STON1: variants seen among roughly 807,000 people sequenced by gnomAD.
STON1 encodes stonin 1, also known as stonin-1.
STON1 carries 79 observed loss-of-function variants against 60.9 expected under a neutral mutation model. That is an observed-to-expected ratio of 1.30 (90% CI 1.08 to 1.56). STON1 has a LOEUF of 1.56. Ranked by LOEUF, STON1 falls within the 40% of genes most tolerant of loss-of-function variation. The pLI, the probability that STON1 is intolerant of heterozygous loss-of-function variation, is 0.00. For synonymous variants in STON1, 363 were observed against 306.9 expected (o/e 1.18, Z -1.91); for missense variants, 1,166 against 858.9 (o/e 1.36, Z -4.47).
At chr2:48,589,180 C>CTCCACTCTG (rs1674379527) in intron 2 of STON1, among the ~76,000 whole-genome samples, 1 of 152,152 alleles carries the variant, frequency 6.6e-6, no homozygotes, top group African/African-American at 2.4e-5. Flanking sequence ...CTCTCTCCTC[C>CTCCACTCTG]TCCACTCTGT....
At position 48,597,877 on chromosome 2, in the gene STON1, A is replaced by T. The variant is rs1235192949; in HGVS notation, c.*2575A>T. 6.6e-6 allele frequency: 1 copy of T among 152,238 alleles called. No individual in the cohort carries two copies. 9.4% of individuals were successfully genotyped at this position (152,238 alleles called of 1,614,324 possible). A position where few individuals can be genotyped will look rare whatever the true frequency, so the allele number is the denominator to read the frequency against. On this transcript the variant is annotated 3_prime_UTR_variant, in exon 4 of 4. Transcript: ENST00000404752. ...AGGTGAAAAATCAGGTAGGGTTCAA[A>T]TTAAGTAGAACTGCCCTTGCCGGAA... is the stretch of plus-strand genomic sequence containing the variant.
chr2:48,582,688 A>G (rs2103921016), intron 2 of STON1, 125 bp downstream of exon 2: 1 of 1,442,956 alleles, frequency 6.9e-7, no homozygotes, highest in Non-Finnish European at 9.2e-7. Flanking sequence ...GCTTTGGGGT[A>G]GGAGATGGAA....
intron 3 of STON1, among the ~76,000 whole-genome samples, chr2:48,593,375 A>G (rs1036819413): frequency 6.6e-6 from 1 of 152,068 alleles, no homozygotes; most frequent in South Asian, 2.1e-4. Context: ...TCGGCCTCCC[A>G]AAGTGCTGGG....
chr2:48,538,538 A>G (rs1389335391), intron 1 of STON1, among the ~76,000 whole-genome samples: 2 of 119,578 alleles, frequency 1.7e-5, no homozygotes, highest in African/African-American at 5.2e-5. Flanking sequence ...TATTGCCTCT[A>G]TCTTTTTTGT....
At position 48,581,075 on chromosome 2, in the gene STON1, A is replaced by G; in HGVS notation, c.442A>G (p.Lys148Glu). Reference protein sequence around the residue: ...SDHSCTHPTPKVGLPDEVNPQ... With the variant: ...SDHSCTHPTPEVGLPDEVNPQ... ...CCACTCATGTACACATCCAACTCCC[A>G]AAGTAGGTCTTCCAGATGAAGTTAA... is the stretch of plus-strand genomic sequence containing the variant. Residue 148 changes from lysine (K) to glutamate (E), a missense_variant, in exon 2 of 4, where the codon AAA (lysine) becomes GAA (glutamate). Lys to Glu is a moderately conservative substitution (Grantham distance 56). Transcript: ENST00000404752. The G allele has an allele frequency of 6.3e-7, 1 of 1,599,040 alleles. No individual in the cohort carries two copies. The highest frequency in any genetic ancestry group is 8.5e-7 in the Non-Finnish European group (1 of 1,174,338).
intron 1 of STON1, among the ~76,000 whole-genome samples, chr2:48,540,602 G>C (rs555941143): frequency 6.6e-6 from 1 of 152,166 alleles, no homozygotes; most frequent in African/African-American, 2.4e-5. Context: ...TGTATCTTTC[G>C]CAGTATTCTT....
intron 1 of STON1, among the ~76,000 whole-genome samples, chr2:48,533,027 G>C (rs1237138888): frequency 6.6e-6 from 1 of 152,140 alleles, no homozygotes; most frequent in Non-Finnish European, 1.5e-5. Flanking sequence ...GTGGAGGCCA[G>C]AGGATCACTT....
intron 1 of STON1, among the ~76,000 whole-genome samples, chr2:48,562,322 G>T (rs1672646109): frequency 6.6e-6 from 1 of 152,198 alleles, no homozygotes; most frequent in African/African-American, 2.4e-5. Context: ...TGAGAGACCA[G>T]TTCAGAGTTG....
At position 48,597,783 on chromosome 2, in the gene STON1, G is replaced by A. The variant is rs1249853033; in HGVS notation, c.*2481G>A. On this transcript the variant is annotated 3_prime_UTR_variant, in exon 4 of 4. Transcript: ENST00000404752. ...AATGTTAAATTAACATTCTGTGTAG[G>A]GAGGGGAGGCTTATTCAATTCTTCT... The A allele has an allele frequency of 2.0e-5, 3 of 152,466 alleles. No homozygotes were observed. The highest frequency in any genetic ancestry group is 4.4e-5 in the Non-Finnish European group (3 of 68,022). 9.4% of individuals were successfully genotyped at this position (152,466 alleles called of 1,614,324 possible).
chr2:48,548,130 G>A (rs1280727822), intron 1 of STON1, among the ~76,000 whole-genome samples: 1 of 152,236 alleles, frequency 6.6e-6, no homozygotes, highest in Admixed American at 6.5e-5. Flanking sequence ...GGGACCTCAT[G>A]TGCCAGGATG....
rs934825283 is a variant in STON1 at position 48,595,501 on chromosome 2, G to A, written c.*199G>A. 4 of 532,786 alleles carry A rather than the reference G, an allele frequency of 7.5e-6. No individual in the cohort carries two copies. In the South Asian group the frequency reaches 9.9e-5, roughly 13 times the overall value. The allele number at this position is 532,786 out of a possible 1,614,324, so 33.0% of individuals were successfully genotyped here. A position where few individuals can be genotyped will look rare whatever the true frequency, so the allele number is the denominator to read the frequency against. ...CTTTTCATGTGTTTTTGTCCTAGGG[G>A]TTCGATCTAAAATGTTTCTATAATT... On this transcript the variant is annotated 3_prime_UTR_variant, in exon 4 of 4. Transcript: ENST00000404752.
intron 1 of STON1, among the ~76,000 whole-genome samples, chr2:48,569,526 A>G (rs1162228374): frequency 2.6e-5 from 4 of 152,248 alleles, no homozygotes; most frequent in Non-Finnish European, 4.4e-5. Flanking sequence ...TCAGAAATGT[A>G]TTAAGCTTTT....
At chr2:48,571,907 G>A (rs1198752665) in intron 1 of STON1, among the ~76,000 whole-genome samples, 1 of 152,210 alleles carries the variant, frequency 6.6e-6, no homozygotes, top group African/African-American at 2.4e-5. Flanking sequence ...GCTCACGCCT[G>A]TAATCCCAGC....
chr2:48,539,319 T>A (rs1671563604), intron 1 of STON1, among the ~76,000 whole-genome samples: 1 of 152,218 alleles, frequency 6.6e-6, no homozygotes, highest in Non-Finnish European at 1.5e-5. Context: ...CTTGTTCTTA[T>A]CTATATTTTT....
chr2:48,580,970 C>G lies in STON1; in HGVS notation c.337C>G (p.Pro113Ala), dbSNP rs775266241. Residue 113 changes from proline (P) to alanine (A), a missense_variant, in exon 2 of 4, where the codon CCA (proline) becomes GCA (alanine). Transcript: ENST00000404752. ...TATTCCAGAATCATCTTCAGACAGC[C>G]CACTCGCAATATCAGGAGGAGAATC... ...YPIPESSSDS[P>A]LAISGGESSL... The G allele has an allele frequency of 3.8e-6, 6 of 1,580,488 alleles. No individual in the cohort carries two copies. The South Asian group carries it at 7.2e-5, about 19-fold the overall frequency.
chr2:48,549,494 G>A (rs1433168965), intron 1 of STON1, among the ~76,000 whole-genome samples: 1 of 152,116 alleles, frequency 6.6e-6, no homozygotes, highest in African/African-American at 2.4e-5. Context: ...GACAGACCTA[G>A]GGTTCTGGTT....
rs1178268048 is a variant in STON1, at chr2:48,581,670, C to T, written c.1037C>T (p.Thr346Ile). ...ENFSVAGKIH[T>I]VKIEHVSYTE... ...TTCAGTGTAGCAGGAAAAATCCACA[C>T]TGTGAAGATTGAACATGTGTCTTAC... Residue 346 changes from threonine to isoleucine, a missense_variant, in exon 2 of 4, where the codon ACT becomes ATT. Transcript: ENST00000404752. The T allele has an allele frequency of 6.2e-7, 1 of 1,613,474 alleles. No individual in the cohort carries two copies. The highest frequency in any genetic ancestry group is 8.5e-7 in the Non-Finnish European group (1 of 1,179,906).
At chr2:48,592,633 C>A (rs1331443601) in intron 3 of STON1, among the ~76,000 whole-genome samples, 5 of 95,356 alleles carry the variant, frequency 5.2e-5, no homozygotes, top group East Asian at 3.1e-4. Flanking sequence ...TATTATTATT[C>A]TATTTTTAGT....
intron 1 of STON1, among the ~76,000 whole-genome samples, chr2:48,548,680 G>C (rs1214713643): frequency 6.6e-6 from 1 of 151,512 alleles, no homozygotes; most frequent in Non-Finnish European, 1.5e-5. Context: ...TGCATTTTTA[G>C]TAGATGTGGG....
Sources: allele counts gnomAD v4.1 joint callset (sites outside exome capture counted in the v4.1 genomes callset), GRCh38; gene constraint gnomAD v4.1.1; transcripts MANE v1.5; gene names NCBI Gene and HGNC (gene_info 2026-07-23, HGNC 2026-07-21).